Variants in ZFX observed in about 807,000 individuals in gnomAD.
ZFX encodes the protein zinc finger protein X-linked.
For synonymous variants in ZFX, 196 were observed against 226.8 expected (o/e 0.86, Z 1.22); for missense variants, 362 against 628.3 (o/e 0.58, Z 4.53).
intron 5 of ZFX, among the ~76,000 whole-genome samples, chrX:24,185,912 C>T (rs932364451): frequency 2.8e-5 from 3 of 108,711 alleles, no homozygotes; most frequent in Admixed American, 2.0e-4. Flanking sequence ...CCAGCCTGGG[C>T]GACAGAATGA....
intron 3 of ZFX, among the ~76,000 whole-genome samples, chrX:24,157,997 A>C (rs190873882): frequency 1.8e-5 from 2 of 110,761 alleles, no homozygotes; most frequent in Admixed American, 9.6e-5. Context: ...GAACCCAGGC[A>C]ATCTGCCCGC....
At chrX:24,201,466 C>G (rs763084390) in intron 5 of ZFX, among the ~76,000 whole-genome samples, 2 of 112,775 alleles carry the variant, frequency 1.8e-5, no homozygotes, top group African/African-American at 6.4e-5. Context: ...GCAAAAACAA[C>G]AAGCCTGGCC....
rs1356394679 is a variant in ZFX at position 24,171,986 on chromosome X, T to G, written c.-28-729T>G. Among the ~76,000 whole-genome samples, 3 of 110,249 alleles carry G rather than the reference T, an allele frequency of 2.7e-5. No individual in the cohort carries two copies. The East Asian group carries it at 8.5e-4, about 31-fold the overall frequency. ...ACTGATTCTTGCTCATGGTTTTGGA[T>G]TCTCAGGGATAGGACTTTGATTTTA... On this transcript the variant is annotated intron_variant, in intron 3 of 9. Transcript: ENST00000304543.
intron 3 of ZFX, among the ~76,000 whole-genome samples, chrX:24,172,264 C>G (rs1327709828): frequency 9.0e-6 from 1 of 111,684 alleles, no homozygotes; most frequent in Non-Finnish European, 1.9e-5. Flanking sequence ...AAAATTTCCC[C>G]CAGTAAGCTA....
rs1330204202 is a variant in ZFX, at chrX:24,214,721, G to A, written c.*3345G>A. On this transcript the variant is annotated 3_prime_UTR_variant, in exon 10 of 10. Coordinates refer to ENST00000304543, the MANE Select transcript of ZFX (RefSeq NM_003410.4). ...CATTTTTTCTTTTATCTTCATAAAG[G>A]ATTTGTTTTATTAGCATCTCCAATT... The A allele has an allele frequency of 8.9e-6, 1 of 112,013 alleles. No homozygotes were observed. The highest frequency in any genetic ancestry group is 1.9e-5 in the Non-Finnish European group (1 of 53,232). The allele number at this position is 112,013 out of a possible 1,213,427, so 9.2% of individuals were successfully genotyped here. A position where few individuals can be genotyped will look rare whatever the true frequency, so the allele number is the denominator to read the frequency against.
In ZFX at chrX:24,207,379, A is replaced by G; in HGVS notation, c.700A>G (p.Thr234Ala). The G allele has an allele frequency of 8.3e-7, 1 of 1,210,398 alleles. No homozygotes were observed. The highest frequency in any genetic ancestry group is 1.1e-6 in the Non-Finnish European group (1 of 895,172). ...TGGTTCTTCTGGAATGACCATGGACACAGAGTCGGAAATTGATCCTTGTAA... is the reference window on the plus strand; with the variant it reads ...TGGTTCTTCTGGAATGACCATGGACGCAGAGTCGGAAATTGATCCTTGTAA... ...HDGSSGMTMD[T>A]ESEIDPCKVD... The change falls in exon 6 of 10, where the codon ACA (threonine) becomes GCA (alanine). Residue 234 changes from threonine to alanine, a missense_variant. Coordinates refer to ENST00000304543, the MANE Select transcript of ZFX (RefSeq NM_003410.4).
intron 3 of ZFX, among the ~76,000 whole-genome samples, chrX:24,169,130 T>C (rs768974334): frequency 9.0e-6 from 1 of 111,473 alleles, no homozygotes; most frequent in Non-Finnish European, 1.9e-5. Context: ...CATCTCTGTT[T>C]AGAATGTTTG....
In ZFX at chrX:24,211,815, A is replaced by G. The variant is rs1297259324; in HGVS notation, c.*439A>G. 8.4e-6 allele frequency: 1 copy of G among 119,022 alleles called. No homozygotes were observed. Among genetic ancestry groups the G allele is most frequent in the African/African-American group, 3.2e-5 (1 of 30,894 alleles). The allele number at this position is 119,022 out of a possible 1,213,427, so 9.8% of individuals were successfully genotyped here. On this transcript the variant is annotated 3_prime_UTR_variant, in exon 10 of 10. Transcript: ENST00000304543. ...AATAAAATTGTCAGAGACATCTACT[A>G]ATATAAATGGGAGATTTTACAGTCA...
At chrX:24,182,589 G>T (rs1307374393) in intron 5 of ZFX, among the ~76,000 whole-genome samples, 1 of 111,775 alleles carries the variant, frequency 8.9e-6, no homozygotes, top group African/African-American at 3.2e-5. Flanking sequence ...TGGGCTATTG[G>T]AGAGGAGATG....
At chrX:24,189,321 A>G (rs750628907) in intron 5 of ZFX, among the ~76,000 whole-genome samples, 2 of 111,810 alleles carry the variant, frequency 1.8e-5, no homozygotes, top group Non-Finnish European at 3.8e-5. Context: ...TGGACATGCT[A>G]AAGATTTATT....
Position 24,150,573 on chromosome X carries a change from C to G in ZFX, c.-250+779C>G, listed in dbSNP as rs768337349. 6.5e-4 allele frequency: 74 copies of G among 113,273 alleles called. 1 individual carries two copies. The highest frequency in any genetic ancestry group is 2.3e-3 in the African/African-American group (73 of 31,341). The allele number at this position is 113,273 out of a possible 1,213,427, so 9.3% of individuals were successfully genotyped here. The stretch of plus-strand genomic sequence containing the variant: ...GCCGCAGGCGGCCACCGCCGCCGCC[C>G]GGACGCCGGGACCGTTTCACCCTCA... On this transcript the variant is annotated intron_variant, in intron 1 of 9. Transcript: ENST00000304543.
chrX:24,178,588 CT>C (rs770391725), intron 4 of ZFX, among the ~76,000 whole-genome samples: 202 of 82,503 alleles, frequency 2.4e-3, no homozygotes, highest in Middle Eastern at 0.015. Flanking sequence ...CGCGCCTGGC[CT>C]TTTTTTTTTT....
In ZFX at chrX:24,214,744, A is replaced by G. The variant is rs977238434; in HGVS notation, c.*3368A>G. ...AGGATTTGTTTTATTAGCATCTCCA[A>G]TTCCCCTGAGATAAATTACTCATGC... On this transcript the variant is annotated 3_prime_UTR_variant, in exon 10 of 10. Transcript: ENST00000304543. The G allele has an allele frequency of 2.7e-5, 3 of 112,104 alleles. No individual in the cohort carries two copies. The highest frequency in any genetic ancestry group is 9.5e-5 in the Admixed American group (1 of 10,526). 9.2% of individuals were successfully genotyped at this position (112,104 alleles called of 1,213,427 possible). A position where few individuals can be genotyped will look rare whatever the true frequency, so the allele number is the denominator to read the frequency against.
intron 5 of ZFX, among the ~76,000 whole-genome samples, chrX:24,190,189 G>A (rs1237756232): frequency 1.8e-5 from 2 of 111,514 alleles, no homozygotes; most frequent in Non-Finnish European, 3.8e-5. Context: ...GCTAATTAAC[G>A]TATATTACCT....
chrX:24,187,335 G>C (rs185208092), intron 5 of ZFX, among the ~76,000 whole-genome samples: 1 of 111,467 alleles, frequency 9.0e-6, no homozygotes, highest in African/African-American at 3.3e-5. Flanking sequence ...CTCTCTCTCT[G>C]TGTTTGTATG....
intron 3 of ZFX, among the ~76,000 whole-genome samples, chrX:24,156,641 A>G (rs1432826961): frequency 9.8e-6 from 1 of 102,546 alleles, no homozygotes; most frequent in African/African-American, 3.7e-5. Context: ...TATCTATACT[A>G]TCCTGATTTA....
At chrX:24,159,601 A>G (rs1933056829) in intron 3 of ZFX, among the ~76,000 whole-genome samples, 1 of 110,621 alleles carries the variant, frequency 9.0e-6, no homozygotes. Context: ...CAGCCTCCTG[A>G]GTAGCTGGAT....
intron 3 of ZFX, among the ~76,000 whole-genome samples, chrX:24,154,845 T>G (rs1377836902): frequency 1.8e-5 from 2 of 111,649 alleles, no homozygotes; most frequent in Non-Finnish European, 3.8e-5. Flanking sequence ...GAAACATGGA[T>G]GGAGCTGGAG....
Position 24,179,179 on chromosome X carries a change from TAAGGAGC to T in ZFX, c.59-3_62del. 8.4e-7 allele frequency: 1 copy of T among 1,191,909 alleles called. No individual in the cohort carries two copies. The highest frequency in any genetic ancestry group is 1.9e-5 in the South Asian group (1 of 53,964). On this transcript the variant is annotated splice_acceptor_variant and splice_polypyrimidine_tract_variant and coding_sequence_variant and intron_variant, in exon 5 of 10. Transcript: ENST00000304543. LOFTEE classifies it high-confidence loss of function. ...AAATTTGTCATTTTAATTTTTTTTTTAAGGAGCTGATGGTACACACATGGATGGTGAT... is the reference window on the plus strand; with the variant it reads ...AAATTTGTCATTTTAATTTTTTTTTTTGATGGTACACACATGGATGGTGAT...
Sources: allele counts gnomAD v4.1 joint callset (sites outside exome capture counted in the v4.1 genomes callset), GRCh38; gene constraint gnomAD v4.1.1; transcripts MANE v1.5; gene names NCBI Gene and HGNC (gene_info 2026-07-23, HGNC 2026-07-21).